MCPH1: variants seen among roughly 807,000 people sequenced by gnomAD.
The protein encoded by MCPH1 is microcephalin 1.
A neutral mutation model predicts 84.5 loss-of-function variants in MCPH1; 104 were observed. The observed-to-expected ratio is 1.23, with a 90% CI of 1.05 to 1.45. The LOEUF (loss-of-function observed/expected upper bound fraction) is 1.45. Ranked by LOEUF, MCPH1 falls within the 40% of genes most tolerant of loss-of-function variation. The probability of loss-of-function intolerance (pLI) is 0.00; values close to 1 mark genes in which losing one functional copy is unlikely to be tolerated. For synonymous variants in MCPH1, 514 were observed against 366.8 expected (o/e 1.40, Z -4.58); for missense variants, 1,498 against 1,005.7 (o/e 1.49, Z -6.62).
intron 12 of MCPH1, among the ~76,000 whole-genome samples, chr8:6,566,471 G>A (rs2442528): frequency 0.7 from 106,239 of 152,074 alleles, 40,561 homozygotes; most frequent in Non-Finnish European, 0.85. Context: ...TGTACGCCGT[G>A]CAGCGACCGT....
chr8:6,609,822 C>CCA (rs377579080), intron 12 of MCPH1, among the ~76,000 whole-genome samples: 1 of 75,536 alleles, frequency 1.3e-5, no homozygotes, highest in Non-Finnish European at 4.7e-5. Context: ...GCCCCCCGCC[C>CCA]CCCCCCCACA....
intron 9 of MCPH1, among the ~76,000 whole-genome samples, chr8:6,456,528 G>A (rs1157062125): frequency 1.3e-5 from 2 of 152,088 alleles, no homozygotes; most frequent in African/African-American, 2.4e-5. Context: ...CTGCTGATGC[G>A]TCGCATGGCA....
At chr8:6,474,871 C>G (rs1011500620) in intron 9 of MCPH1, among the ~76,000 whole-genome samples, 2 of 152,180 alleles carry the variant, frequency 1.3e-5, no homozygotes, top group Admixed American at 1.3e-4. Context: ...GCTGACAACT[C>G]ATAGAAGACA....
chr8:6,439,130 A>T (rs753781558), intron 6 of MCPH1, 34 bp downstream of exon 6: 4 of 1,598,858 alleles, frequency 2.5e-6, no homozygotes, highest in Non-Finnish European at 3.4e-6. Flanking sequence ...AAAATTATGC[A>T]AATAGCCGAT....
intron 12 of MCPH1, among the ~76,000 whole-genome samples, chr8:6,554,977 G>A (rs767329330): frequency 6.6e-6 from 1 of 152,122 alleles, no homozygotes; most frequent in African/African-American, 2.4e-5. Flanking sequence ...AAAGATAGTC[G>A]GATGGCACAC....
intron 13 of MCPH1, chr8:6,642,682 T>G (rs1191890968): frequency 1.1e-5 from 5 of 448,648 alleles, no homozygotes; most frequent in South Asian, 2.1e-5. Context: ...TGTCACAGAC[T>G]GGCAAGCTTC....
At chr8:6,518,086 A>G (rs1004062006) in intron 12 of MCPH1, among the ~76,000 whole-genome samples, 2 of 148,376 alleles carry the variant, frequency 1.3e-5, no homozygotes, top group Non-Finnish European at 1.5e-5. Flanking sequence ...TCTGGGGGCC[A>G]TGGGGTGGGA....
chr8:6,495,646 A>T (rs1811141026), intron 11 of MCPH1, among the ~76,000 whole-genome samples: 1 of 152,200 alleles, frequency 6.6e-6, no homozygotes, highest in Non-Finnish European at 1.5e-5. Context: ...CGCTTATAAT[A>T]AATAATGTGT....
intron 4 of MCPH1, among the ~76,000 whole-genome samples, chr8:6,432,123 C>T (rs988849519): frequency 6.6e-6 from 1 of 152,178 alleles, no homozygotes; most frequent in East Asian, 1.9e-4. Flanking sequence ...TACACAAATC[C>T]TCCCGTATAC....
chr8:6,498,878 A>G (rs959277730), intron 11 of MCPH1, among the ~76,000 whole-genome samples: 10 of 151,834 alleles, frequency 6.6e-5, no homozygotes, highest in African/African-American at 2.2e-4. Flanking sequence ...GTGAAACCCG[A>G]TCTCTACTAC....
At chr8:6,613,241 G>C (rs1376787453) in intron 12 of MCPH1, among the ~76,000 whole-genome samples, 1 of 152,220 alleles carries the variant, frequency 6.6e-6, no homozygotes, top group Non-Finnish European at 1.5e-5. Context: ...CCAGGCAGAC[G>C]GGAATGGCCA....
intron 12 of MCPH1, among the ~76,000 whole-genome samples, chr8:6,509,384 T>C (rs939097510): frequency 6.6e-6 from 1 of 152,176 alleles, no homozygotes; most frequent in African/African-American, 2.4e-5. Flanking sequence ...AGCACCAGGC[T>C]CCTCCTCCCA....
At chr8:6,642,410 T>A (rs1797993741) in intron 13 of MCPH1, among the ~76,000 whole-genome samples, 1 of 152,188 alleles carries the variant, frequency 6.6e-6, no homozygotes, top group Non-Finnish European at 1.5e-5. Context: ...GCGCAACTTG[T>A]GATTTTCATA....
chr8:6,420,141 C>T (rs911173260), intron 3 of MCPH1, among the ~76,000 whole-genome samples: 1 of 151,532 alleles, frequency 6.6e-6, no homozygotes, highest in Non-Finnish European at 1.5e-5. Context: ...TTCTTTTTTT[C>T]ACTGCCATTG....
At chr8:6,544,130 A>G (rs992076570) in intron 12 of MCPH1, among the ~76,000 whole-genome samples, 46 of 152,244 alleles carry the variant, frequency 3.0e-4, no homozygotes, top group African/African-American at 1.1e-3. Context: ...CATAACTTTT[A>G]TCTTCATCTC....
chr8:6,632,843 A>G (rs993891197), intron 13 of MCPH1, among the ~76,000 whole-genome samples: 9 of 152,266 alleles, frequency 5.9e-5, no homozygotes, highest in East Asian at 1.9e-4. Flanking sequence ...CAGAAATAAG[A>G]TATTTCATCA....
chr8:6,527,286 A>C (rs1169855334), intron 12 of MCPH1, among the ~76,000 whole-genome samples: 1 of 152,154 alleles, frequency 6.6e-6, no homozygotes, highest in Non-Finnish European at 1.5e-5. Flanking sequence ...ATTAGCATGC[A>C]GAATACTGAG....
At position 6,521,140 on chromosome 8, in the gene MCPH1, G is replaced by C. The variant is rs1269204925; in HGVS notation, c.2214+21211G>C. Reference sequence around the variant, plus strand: ...CTTTTGAGTGTTTTACTGACTAAAGGTTATTAACGCTGAAGAAAGCATGAT... The same window carrying C: ...CTTTTGAGTGTTTTACTGACTAAAGCTTATTAACGCTGAAGAAAGCATGAT... On this transcript the variant is annotated intron_variant, in intron 12 of 13. Transcript: ENST00000344683. The C allele has an allele frequency of 6.4e-6, 10 of 1,562,458 alleles. No individual in the cohort carries two copies. In the Admixed American group the frequency reaches 1.4e-4, roughly 21 times the overall value.
chr8:6,636,115 G>C (rs754440611), intron 13 of MCPH1, among the ~76,000 whole-genome samples: 1 of 152,226 alleles, frequency 6.6e-6, no homozygotes, highest in Non-Finnish European at 1.5e-5. Flanking sequence ...AAGGCGGGCA[G>C]ATCACTTGAG....
Sources: allele counts gnomAD v4.1 joint callset (sites outside exome capture counted in the v4.1 genomes callset), GRCh38; gene constraint gnomAD v4.1.1; transcripts MANE v1.5; gene names NCBI Gene and HGNC (gene_info 2026-07-23, HGNC 2026-07-21).